The following CEP85L variants were observed in gnomAD, a reference collection of about 807,000 sequenced individuals.
CEP85L encodes centrosomal protein of 85 kDa-like.
A neutral mutation model predicts 100.3 loss-of-function variants in CEP85L; 60 were observed. That is an observed-to-expected ratio of 0.60 (90% CI 0.49 to 0.74). CEP85L has a LOEUF of 0.74. CEP85L is among the 30% of genes least tolerant of loss of function. The pLI is 0.00. For missense variants in CEP85L, 973 were observed against 936.2 expected, an observed-to-expected ratio of 1.04 and a Z score of -0.51; for synonymous variants, 319 against 322.7, an observed-to-expected ratio of 0.99 and a Z score of 0.12.
intron 1 of CEP85L, among the ~76,000 whole-genome samples, chr6:118,667,586 T>G (rs1400561730): frequency 6.6e-6 from 1 of 151,948 alleles, no homozygotes; most frequent in Non-Finnish European, 1.5e-5. Flanking sequence ...TATATTGGAG[T>G]TTTGCAATTT....
At chr6:118,488,496 A>C (rs1481228703) in intron 6 of CEP85L, among the ~76,000 whole-genome samples, 1 of 152,104 alleles carries the variant, frequency 6.6e-6, no homozygotes, top group Admixed American at 6.6e-5. Context: ...GAGTAACAAA[A>C]AGAACAAGGA....
intron 4 of CEP85L, among the ~76,000 whole-genome samples, chr6:118,523,442 T>A (rs751415921): frequency 2.4e-4 from 36 of 152,328 alleles, no homozygotes; most frequent in Middle Eastern, 3.4e-3. Flanking sequence ...CTGCTTTAAA[T>A]TAGCTTTCCA....
chr6:118,592,691 TAATTA>T (rs942081603), intron 2 of CEP85L, among the ~76,000 whole-genome samples: 1 of 152,156 alleles, frequency 6.6e-6, no homozygotes, highest in Non-Finnish European at 1.5e-5. Context: ...TTAAATTTTT[TAATTA>T]AATGAAAAAT....
chr6:118,505,808 G>T (rs1375216126), intron 5 of CEP85L, among the ~76,000 whole-genome samples: 1 of 152,144 alleles, frequency 6.6e-6, no homozygotes, highest in Non-Finnish European at 1.5e-5. Flanking sequence ...CGATAATGGT[G>T]GATACATGTC....
intron 2 of CEP85L, among the ~76,000 whole-genome samples, chr6:118,599,654 G>A (rs1057236887): frequency 8.5e-5 from 13 of 152,220 alleles, no homozygotes; most frequent in African/African-American, 3.1e-4. Flanking sequence ...TTATAGAAGA[G>A]AAACCTGGCA....
intron 1 of CEP85L, among the ~76,000 whole-genome samples, chr6:118,701,293 A>C (rs1777396281): frequency 6.6e-6 from 1 of 152,222 alleles, no homozygotes; most frequent in Non-Finnish European, 1.5e-5. Flanking sequence ...TATCCGAAAT[A>C]AATCATTCTG....
At position 118,566,197 on chromosome 6, in the gene CEP85L, A is replaced by G; in HGVS notation, c.352T>C (p.Leu118=). 6.2e-7 allele frequency: 1 copy of G among 1,614,208 alleles called. No individual in the cohort carries two copies. The highest frequency in any genetic ancestry group is 8.5e-7 in the Non-Finnish European group (1 of 1,180,022). ...CTCCATTTTGAGCCATCTGGTGTCA[A>G]TGATTCCCTAAGTTTGGAAATTGAA... is the stretch of plus-strand genomic sequence containing the variant. ...SASISKLRES[L]TPDGSKWSTS... is the part of the protein sequence containing the mutation. The change falls in exon 3 of 13, where the codon TTG becomes CTG. Residue 118 remains leucine (L), a synonymous_variant. Transcript: ENST00000368491.
chr6:118,601,086 A>G (rs1411773831), intron 2 of CEP85L, among the ~76,000 whole-genome samples: 1 of 152,216 alleles, frequency 6.6e-6, no homozygotes, highest in African/African-American at 2.4e-5. Flanking sequence ...TTAAGAACAT[A>G]TACACTTTAT....
intron 1 of CEP85L, among the ~76,000 whole-genome samples, chr6:118,700,416 C>G (rs1029653632): frequency 4.6e-5 from 7 of 152,252 alleles, no homozygotes; most frequent in Non-Finnish European, 1.0e-4. Context: ...CTTGCAGCTG[C>G]TTAAGCCAGC....
chr6:118,626,746 A>ATG (rs1773824106), intron 2 of CEP85L, among the ~76,000 whole-genome samples: 3 of 152,310 alleles, frequency 2.0e-5, no homozygotes, highest in South Asian at 4.2e-4. Flanking sequence ...CACTCGCCGC[A>ATG]GTCAGCCTCC....
At chr6:118,477,682 T>C (rs1202419100) in intron 10 of CEP85L, among the ~76,000 whole-genome samples, 1 of 152,078 alleles carries the variant, frequency 6.6e-6, no homozygotes, top group Non-Finnish European at 1.5e-5. Context: ...TGCAAGGACA[T>C]AAAGAGGCAG....
chr6:118,658,957 G>A (rs1204415524), intron 1 of CEP85L, among the ~76,000 whole-genome samples: 3 of 152,016 alleles, frequency 2.0e-5, no homozygotes, highest in Non-Finnish European at 2.9e-5. Context: ...CTAATATTTT[G>A]TAGTGTTATT....
At chr6:118,668,345 G>A (rs1776193857) in intron 1 of CEP85L, among the ~76,000 whole-genome samples, 1 of 152,158 alleles carries the variant, frequency 6.6e-6, no homozygotes, top group Admixed American at 6.5e-5. Flanking sequence ...AGTCCCATAA[G>A]GTATGCTTAC....
chr6:118,584,850 A>G (rs1448496729), intron 2 of CEP85L, among the ~76,000 whole-genome samples: 8 of 152,258 alleles, frequency 5.3e-5, no homozygotes. Context: ...CAGATAGCTG[A>G]CTTCTTAAAT....
intron 2 of CEP85L, among the ~76,000 whole-genome samples, chr6:118,591,147 C>G (rs79795226): frequency 1.3e-5 from 2 of 152,110 alleles, no homozygotes; most frequent in African/African-American, 4.8e-5. Flanking sequence ...CATAAAGATA[C>G]AAAAATATGC....
chr6:118,632,107 A>G (rs1774202411), intron 2 of CEP85L, among the ~76,000 whole-genome samples: 1 of 152,074 alleles, frequency 6.6e-6, no homozygotes. Context: ...CTCGTGCCTC[A>G]GCCTCTCAAG....
chr6:118,473,544 A>AG (rs1239448852), intron 10 of CEP85L, among the ~76,000 whole-genome samples: 2 of 151,034 alleles, frequency 1.3e-5, no homozygotes, highest in African/African-American at 2.4e-5. Flanking sequence ...AATCAGTATA[A>AG]GAACTTTGAT....
chr6:118,684,848 C>T (rs1345774838), intron 1 of CEP85L, among the ~76,000 whole-genome samples: 5 of 152,124 alleles, frequency 3.3e-5, no homozygotes, highest in Admixed American at 6.5e-5. Context: ...GACAAGATCT[C>T]ACTATGTTGC....
At chr6:118,476,362 A>G (rs192461732) in intron 10 of CEP85L, among the ~76,000 whole-genome samples, 81 of 152,252 alleles carry the variant, frequency 5.3e-4, no homozygotes, top group Middle Eastern at 3.4e-3. Flanking sequence ...AACTTCTGAT[A>G]AGAATACTTT....
Sources: gnomAD v4.1 joint callset for allele counts (sites outside exome capture counted in the v4.1 genomes callset) on GRCh38, gnomAD v4.1.1 for gene constraint, MANE v1.5 for transcripts, NCBI Gene and HGNC (gene_info 2026-07-23, HGNC 2026-07-21) for gene names.